SDK1: variants seen among roughly 807,000 people sequenced by gnomAD.
The protein encoded by SDK1 is sidekick cell adhesion molecule 1.
A neutral mutation model predicts 245.5 loss-of-function variants in SDK1; 157 were observed. The ratio of observed to expected loss-of-function variants is 0.64; its 90% CI spans 0.56 to 0.73. The LOEUF (loss-of-function observed/expected upper bound fraction) is 0.73, where lower values mean the gene tolerates loss of function less well. Among genes scored for constraint, SDK1 ranks in the 30% least tolerant of loss-of-function variants. SDK1 has a pLI of 0.00. For missense variants in SDK1, 3,583 were observed against 3,002.3 expected (o/e 1.19, Z -4.52); for synonymous variants, 1,647 against 1,278.5 (o/e 1.29, Z -6.15).
In SDK1 at chr7:4,105,842, G is replaced by C. The variant is rs191224600; in HGVS notation, c.3325-4821G>C. The stretch of plus-strand genomic sequence containing the variant: ...TGGAAGGAGCAGACACACTCTGAGA[G>C]GGGGAAGAGTGGTGCAGGGGGACAG... On this transcript the variant is annotated intron_variant, in intron 22 of 44. Transcript: ENST00000404826. Among the ~76,000 whole-genome samples the C allele has an allele frequency of 1.4e-4, 22 of 152,336 alleles. No homozygotes were observed. The South Asian group carries it at 3.3e-3, about 23-fold the overall frequency.
Position 4,267,553 on chromosome 7 carries a change from G to A in SDK1, c.*2169G>A. 5 of 985,470 alleles carry A rather than the reference G, an allele frequency of 5.1e-6. No individual in the cohort carries two copies. 61.0% of individuals were successfully genotyped at this position (985,470 alleles called of 1,614,324 possible). A position where few individuals can be genotyped will look rare whatever the true frequency, so the allele number is the denominator to read the frequency against. ...AGGATGTGAGCACTGGAATTTCTTG[G>A]AAGAGAAGCGATAAATGGAGACCAT... is the stretch of plus-strand genomic sequence containing the variant. On this transcript the variant is annotated 3_prime_UTR_variant, in exon 45 of 45. Coordinates refer to ENST00000404826, the MANE Select transcript of SDK1 (RefSeq NM_152744.4).
chr7:3,439,837 C>G (rs1424006388), intron 1 of SDK1, among the ~76,000 whole-genome samples: 2 of 152,188 alleles, frequency 1.3e-5, no homozygotes, highest in African/African-American at 4.8e-5. Context: ...TGAAGACCTC[C>G]TTGCTTACTA....
chr7:4,069,390 C>T (rs565971843), intron 20 of SDK1, among the ~76,000 whole-genome samples: 1 of 152,260 alleles, frequency 6.6e-6, no homozygotes, highest in Non-Finnish European at 1.5e-5. Flanking sequence ...TCTGTGTCAG[C>T]CCTCTCTGGG....
At chr7:3,957,955 G>T (rs1436990878) in intron 7 of SDK1, 1 of 470,310 alleles carries the variant, frequency 2.1e-6, no homozygotes, top group South Asian at 1.6e-5. Context: ...ACATCACTTT[G>T]CCTCCTTCCA....
chr7:3,655,751 G>A (rs180782093), intron 4 of SDK1, among the ~76,000 whole-genome samples: 1 of 152,012 alleles, frequency 6.6e-6, no homozygotes, highest in East Asian at 1.9e-4. Context: ...CACATGGTTT[G>A]TTCTGGGGAG....
chr7:4,254,023 T>C (rs1787473698), intron 44 of SDK1, among the ~76,000 whole-genome samples: 2 of 152,216 alleles, frequency 1.3e-5, no homozygotes, highest in South Asian at 4.1e-4. Context: ...AGTATTATTA[T>C]CTACCTCAGA....
intron 1 of SDK1, among the ~76,000 whole-genome samples, chr7:3,351,353 T>C (rs1172308757): frequency 1.3e-5 from 2 of 151,888 alleles, no homozygotes; most frequent in Non-Finnish European, 2.9e-5. Context: ...AGGAGAAAAA[T>C]TAGAAAATGG....
At chr7:3,533,430 C>G (rs1273277533) in intron 1 of SDK1, among the ~76,000 whole-genome samples, 1 of 152,178 alleles carries the variant, frequency 6.6e-6, no homozygotes, top group Non-Finnish European at 1.5e-5. Context: ...TTTTATTATT[C>G]TGATAGTGCC....
chr7:4,139,719 G>GTA (rs1261588878), intron 28 of SDK1, among the ~76,000 whole-genome samples: 261 of 18,836 alleles, frequency 0.014, 57 homozygotes, highest in East Asian at 0.027. Context: ...GTGTGTGTGT[G>GTA]TATGTGTGTG....
chr7:3,689,146 A>C (rs1413434332), intron 4 of SDK1, among the ~76,000 whole-genome samples: 1 of 152,074 alleles, frequency 6.6e-6, no homozygotes, highest in African/African-American at 2.4e-5. Flanking sequence ...GCAAACCCTA[A>C]CTGTTTGCTA....
intron 5 of SDK1, among the ~76,000 whole-genome samples, chr7:3,938,701 C>T (rs1399934435): frequency 1.3e-5 from 2 of 150,742 alleles, no homozygotes; most frequent in Non-Finnish European, 2.9e-5. Flanking sequence ...ATATTTGGAT[C>T]ACTCTAGCAT....
intron 4 of SDK1, among the ~76,000 whole-genome samples, chr7:3,797,034 T>G (rs376275847): frequency 6.6e-6 from 1 of 151,906 alleles, no homozygotes; most frequent in Non-Finnish European, 1.5e-5. Flanking sequence ...AGACAGGGTC[T>G]TGCTCTGTGT....
intron 1 of SDK1, among the ~76,000 whole-genome samples, chr7:3,537,579 G>A (rs1268179670): frequency 1.3e-5 from 2 of 152,186 alleles, no homozygotes; most frequent in Admixed American, 1.3e-4. Flanking sequence ...ATAACAAACT[G>A]CAAGCTTGTT....
intron 5 of SDK1, among the ~76,000 whole-genome samples, chr7:3,823,507 A>G (rs1779697148): frequency 6.6e-6 from 1 of 152,234 alleles, no homozygotes; most frequent in Non-Finnish European, 1.5e-5. Context: ...GCAGAAAATA[A>G]AGCGAGTACA....
chr7:4,004,662 A>T (rs77097186), intron 14 of SDK1, among the ~76,000 whole-genome samples: 7,470 of 152,256 alleles, frequency 0.049, 548 homozygotes, highest in African/African-American at 0.16. Flanking sequence ...TCTGTTCCTC[A>T]CTTTCCTTTT....
chr7:3,664,457 A>G (rs925653498), intron 4 of SDK1, among the ~76,000 whole-genome samples: 5 of 152,120 alleles, frequency 3.3e-5, no homozygotes, highest in African/African-American at 1.2e-4. Flanking sequence ...GAGAACTAGC[A>G]TCCGGGCACA....
At chr7:3,451,964 A>G (rs1228510425) in intron 1 of SDK1, among the ~76,000 whole-genome samples, 1 of 152,168 alleles carries the variant, frequency 6.6e-6, no homozygotes, top group East Asian at 1.9e-4. Flanking sequence ...TGACTCCAAT[A>G]TTGACTCTTT....
chr7:3,360,068 C>T (rs1278290445), intron 1 of SDK1, among the ~76,000 whole-genome samples: 1 of 152,222 alleles, frequency 6.6e-6, no homozygotes, highest in South Asian at 2.1e-4. Context: ...ATGTGAGGGA[C>T]AGGAGAAGAG....
chr7:3,400,005 C>G (rs896860218), intron 1 of SDK1, among the ~76,000 whole-genome samples: 2 of 152,058 alleles, frequency 1.3e-5, no homozygotes, highest in African/African-American at 4.8e-5. Context: ...TGCATGACAT[C>G]AAGTAATGAT....
Sources: allele counts gnomAD v4.1 joint callset (sites outside exome capture counted in the v4.1 genomes callset), GRCh38; gene constraint gnomAD v4.1.1; transcripts MANE v1.5; gene names NCBI Gene and HGNC (gene_info 2026-07-23, HGNC 2026-07-21).